Variants in OPCML observed in about 807,000 individuals in gnomAD.
The protein encoded by OPCML is opioid binding protein/cell adhesion molecule like, also known as opioid-binding protein/cell adhesion molecule.
A neutral mutation model predicts 37.8 loss-of-function variants in OPCML; 13 were observed. The observed-to-expected ratio is 0.34, with a 90% CI of 0.22 to 0.55. The LOEUF (loss-of-function observed/expected upper bound fraction) is 0.55. Among genes scored for constraint, OPCML ranks in the 20% least tolerant of loss-of-function variants. The pLI is 0.91. For missense variants in OPCML, 341 were observed against 435.6 expected (o/e 0.78, Z 1.93); for synonymous variants, 176 against 168.8 (o/e 1.04, Z -0.33).
At chr11:133,061,363 T>C (rs1948338036) in intron 1 of OPCML, among the ~76,000 whole-genome samples, 1 of 152,224 alleles carries the variant, frequency 6.6e-6, no homozygotes, top group Non-Finnish European at 1.5e-5. Flanking sequence ...GAACTAATTC[T>C]GCAGTGGATG....
At chr11:132,820,286 C>T (rs970412171) in intron 2 of OPCML, among the ~76,000 whole-genome samples, 1 of 152,116 alleles carries the variant, frequency 6.6e-6, no homozygotes, top group Non-Finnish European at 1.5e-5. Flanking sequence ...CCTTCTCATT[C>T]TGTCAACCAC....
At chr11:132,706,343 T>C (rs1016902190) in intron 2 of OPCML, among the ~76,000 whole-genome samples, 1 of 152,126 alleles carries the variant, frequency 6.6e-6, no homozygotes, top group African/African-American at 2.4e-5. Context: ...TCTGAAGAAG[T>C]TACTTTCTGC....
rs539588401 is a variant in OPCML at position 132,418,268 on chromosome 11, T to C, written c.*1925A>G. The C allele has an allele frequency of 1.0e-3, 157 of 152,370 alleles. 1 individual carries two copies. The highest frequency in any genetic ancestry group is 1.7e-3 in the Non-Finnish European group (118 of 68,052). 9.4% of individuals were successfully genotyped at this position (152,370 alleles called of 1,614,324 possible). On this transcript the variant is annotated 3_prime_UTR_variant, in exon 8 of 8. Transcript: ENST00000524381. The stretch of plus-strand genomic sequence containing the variant: ...GGCAGGGCAGGTCTGCGATTGATGC[T>C]GCATTCTCATCCTCTCTGTGGATCA...
intron 1 of OPCML, among the ~76,000 whole-genome samples, chr11:133,472,879 C>T (rs967333164): frequency 1.3e-5 from 2 of 152,104 alleles, no homozygotes; most frequent in Non-Finnish European, 2.9e-5. Flanking sequence ...ACAGGAAGCA[C>T]TGCTGCACCA....
At chr11:133,228,533 G>A (rs895814081) in intron 1 of OPCML, among the ~76,000 whole-genome samples, 9 of 152,246 alleles carry the variant, frequency 5.9e-5, no homozygotes, top group Admixed American at 4.6e-4. Flanking sequence ...ACAAGCCGAG[G>A]TGCCCGCTGG....
intron 1 of OPCML, among the ~76,000 whole-genome samples, chr11:132,978,623 C>T (rs1044125929): frequency 6.6e-6 from 1 of 152,168 alleles, no homozygotes. Context: ...GATGGCAAGG[C>T]TTTATAACCA....
At chr11:132,713,368 G>C (rs1439943334) in intron 2 of OPCML, among the ~76,000 whole-genome samples, 1 of 152,038 alleles carries the variant, frequency 6.6e-6, no homozygotes. Context: ...GAATCATTCT[G>C]TTTATCAATA....
intron 1 of OPCML, among the ~76,000 whole-genome samples, chr11:133,191,238 C>G (rs1375555985): frequency 2.0e-5 from 3 of 152,056 alleles, no homozygotes; most frequent in Non-Finnish European, 4.4e-5. Context: ...TGACAAGCAT[C>G]TTTTCAGGTG....
chr11:132,579,252 G>A (rs1233221597), intron 3 of OPCML, among the ~76,000 whole-genome samples: 1 of 152,114 alleles, frequency 6.6e-6, no homozygotes, highest in East Asian at 1.9e-4. Context: ...AGTACAAGGT[G>A]ACTAGAAGTT....
At chr11:132,545,648 G>A (rs1322690695) in intron 3 of OPCML, among the ~76,000 whole-genome samples, 2 of 152,010 alleles carry the variant, frequency 1.3e-5, no homozygotes, top group Non-Finnish European at 2.9e-5. Flanking sequence ...TCCATCCAAT[G>A]TGTACTTAGG....
At chr11:132,617,420 A>T (rs1793270) in intron 3 of OPCML, among the ~76,000 whole-genome samples, 2 of 152,234 alleles carry the variant, frequency 1.3e-5, no homozygotes, top group East Asian at 1.9e-4. Flanking sequence ...TCTGAGGGAC[A>T]CTTCGAAGTC....
intron 2 of OPCML, among the ~76,000 whole-genome samples, chr11:132,917,623 G>C (rs1000660442): frequency 6.6e-6 from 1 of 152,180 alleles, no homozygotes; most frequent in Admixed American, 6.5e-5. Flanking sequence ...GAAATTCTAA[G>C]TCTAGAAGCT....
chr11:133,187,571 C>A (rs1938138180), intron 1 of OPCML, among the ~76,000 whole-genome samples: 1 of 152,154 alleles, frequency 6.6e-6, no homozygotes, highest in South Asian at 2.1e-4. Flanking sequence ...TTCTACCTTT[C>A]TGCTTCACCA....
At position 132,818,311 on chromosome 11, in the gene OPCML, A is replaced by G. The variant is rs551756899; in HGVS notation, c.146+124615T>C. On this transcript the variant is annotated intron_variant, in intron 2 of 7. Transcript: ENST00000524381. ...ATCTTTTCTTCAATTTGGGGTAATT[A>G]ATTGTATACATCAACAACACATTTA... Among the ~76,000 whole-genome samples, 9 of 152,160 alleles carry G rather than the reference A, an allele frequency of 5.9e-5. No individual in the cohort carries two copies. In the East Asian group the frequency reaches 1.5e-3, roughly 26 times the overall value.
intron 1 of OPCML, among the ~76,000 whole-genome samples, chr11:133,054,538 T>C (rs961240988): frequency 1.3e-5 from 2 of 152,202 alleles, no homozygotes; most frequent in African/African-American, 4.8e-5. Flanking sequence ...TTCTCATTAT[T>C]AACTTCATCT....
rs145627451 is a variant in OPCML at position 132,609,584 on chromosome 11, C to T, written c.379+47503G>A. On this transcript the variant is annotated intron_variant, in intron 3 of 7. Coordinates refer to ENST00000524381, the MANE Select transcript of OPCML (RefSeq NM_001012393.5). ...TATGCTTAGCACACCATTCCCACCA[C>T]GCTTCCTCTTGTAGGGCTCCTCTGT... is the stretch of plus-strand genomic sequence containing the variant. 9.2e-3 allele frequency among the ~76,000 whole-genome samples: 1,395 copies of T among 152,286 alleles called. 7 individuals carry two copies. Among genetic ancestry groups the T allele is most frequent in the Middle Eastern group, 0.044 (13 of 294 alleles).
chr11:132,835,713 G>T (rs1297194132), intron 2 of OPCML, among the ~76,000 whole-genome samples: 1 of 152,158 alleles, frequency 6.6e-6, no homozygotes, highest in East Asian at 1.9e-4. Context: ...TCACCACCTT[G>T]CTTTTGATGG....
At chr11:132,730,335 C>G (rs1464763352) in intron 2 of OPCML, among the ~76,000 whole-genome samples, 1 of 152,104 alleles carries the variant, frequency 6.6e-6, no homozygotes, top group Non-Finnish European at 1.5e-5. Flanking sequence ...TATTAATTAA[C>G]TGTAGTGGAA....
intron 4 of OPCML, among the ~76,000 whole-genome samples, chr11:132,442,300 G>C (rs1323315811): frequency 6.6e-6 from 1 of 152,168 alleles, no homozygotes; most frequent in Non-Finnish European, 1.5e-5. Context: ...TAACTATTTG[G>C]GGATGAAAAA....
Sources: allele counts gnomAD v4.1 joint callset (sites outside exome capture counted in the v4.1 genomes callset), GRCh38; gene constraint gnomAD v4.1.1; transcripts MANE v1.5; gene names NCBI Gene and HGNC (gene_info 2026-07-23, HGNC 2026-07-21).